DIS3L: variants seen among roughly 807,000 people sequenced by gnomAD.
DIS3L encodes DIS3-like exonuclease 1.
In DIS3L, 100 loss-of-function variants were observed where a neutral mutation model predicts 120.3. The ratio of observed to expected loss-of-function variants is 0.83; its 90% confidence interval spans 0.71 to 0.98. The LOEUF (loss-of-function observed/expected upper bound fraction) is 0.98. DIS3L is among the 50% of genes least tolerant of loss of function. The pLI, the probability that DIS3L is intolerant of heterozygous loss-of-function variation, is 0.00. For synonymous variants in DIS3L, 426 were observed against 470.6 expected (o/e 0.91, Z 1.23); for missense variants, 1,196 against 1,314.2 (o/e 0.91, Z 1.39).
At chr15:66,323,351 G>A in intron 10 of DIS3L, 142 bp from the exon 11 acceptor site, 1 of 755,812 alleles carries the variant, frequency 1.3e-6, no homozygotes, top group Middle Eastern at 3.8e-4. Flanking sequence ...TTATTACCCA[G>A]TCTGCTGCAC....
chr15:66,320,955 A>T (rs2092877004), intron 9 of DIS3L, among the ~76,000 whole-genome samples: 1 of 152,168 alleles, frequency 6.6e-6, no homozygotes, highest in Non-Finnish European at 1.5e-5. Flanking sequence ...TCAAATTTTT[A>T]TATTTTCCAA....
intron 8 of DIS3L, among the ~76,000 whole-genome samples, chr15:66,319,400 A>G (rs1163203469): frequency 1.3e-5 from 2 of 152,234 alleles, no homozygotes; most frequent in African/African-American, 4.8e-5. Flanking sequence ...AACTTTCTAT[A>G]GATACACTTT....
At chr15:66,330,360 T>C (rs937667389) in intron 14 of DIS3L, 1 of 985,274 alleles carries the variant, frequency 1.0e-6, no homozygotes, top group African/African-American at 1.7e-5. Flanking sequence ...CCAACTGTTA[T>C]TGATAGCACA....
intron 2 of DIS3L, among the ~76,000 whole-genome samples, chr15:66,305,396 C>A (rs2092694323): frequency 6.6e-6 from 1 of 152,082 alleles, no homozygotes; most frequent in Non-Finnish European, 1.5e-5. Context: ...GGGAGTTCGG[C>A]CTTTGCTTCA....
Position 66,326,590 on chromosome 15 carries a change from T to C in DIS3L, c.2201+226T>C, listed in dbSNP as rs894694969. On this transcript the variant is annotated intron_variant, in intron 12 of 16. Transcript: ENST00000319212. ...TTTGTTCCTTGGTTTTTTGTTTCAA[T>C]TTTTTTTTAGATAGAGTCTTGCTCT... The C allele has an allele frequency of 2.1e-5, 10 of 472,450 alleles. No individual in the cohort carries two copies. In the Middle Eastern group the frequency reaches 1.9e-3, roughly 89 times the overall value. 29.3% of individuals were successfully genotyped at this position (472,450 alleles called of 1,614,324 possible).
Position 66,325,932 on chromosome 15 carries a change from A to C in DIS3L, c.1769A>C (p.Tyr590Ser). ...TIIRSAYKLF[Y>S]EAAQELLDGN... The stretch of plus-strand genomic sequence containing the variant: ...ATTCGATCAGCATACAAACTGTTCT[A>C]TGAAGCAGCCCAAGAACTACTGGAT... Residue 590 changes from tyrosine to serine, a missense_variant, in exon 12 of 17, where the codon TAT becomes TCT. Physicochemically the swap from Tyr to Ser is moderately radical, Grantham distance 144 (BLOSUM62 -2). Coordinates refer to ENST00000319212, the MANE Select transcript of DIS3L (RefSeq NM_001143688.3). 6.2e-7 allele frequency: 1 copy of C among 1,614,254 alleles called. No individual in the cohort carries two copies. Among genetic ancestry groups the C allele is most frequent in the Non-Finnish European group, 8.5e-7 (1 of 1,180,048 alleles).
At chr15:66,329,649 T>C (rs896136518) in intron 14 of DIS3L, 234 of 1,164,388 alleles carry the variant, frequency 2.0e-4, no homozygotes, top group Non-Finnish European at 2.4e-4. Flanking sequence ...CATAAAGATA[T>C]GATGACAGAG....
intron 7 of DIS3L, among the ~76,000 whole-genome samples, chr15:66,316,888 G>A (rs2092822673): frequency 6.6e-6 from 1 of 152,136 alleles, no homozygotes; most frequent in Non-Finnish European, 1.5e-5. Context: ...TCAATGGCTG[G>A]TTCCTGTTTC....
rs2092708099 is a variant in DIS3L at position 66,306,902 on chromosome 15, C to T, written c.372C>T (p.Cys124=). The change falls in exon 3 of 17, where the codon TGC becomes TGT. Residue 124 remains cysteine, a synonymous_variant. Coordinates refer to ENST00000319212, the MANE Select transcript of DIS3L (RefSeq NM_001143688.3). ...TCTTTGCTAATGAATTCCAGCAATG[C>T]TGCTATCTGCCACGGGAAAGAGGAG... is the stretch of plus-strand genomic sequence containing the variant. ...CILFANEFQQ[C]CYLPRERGES... is the part of the protein sequence containing the mutation. 1.9e-6 allele frequency: 3 copies of T among 1,614,192 alleles called. No homozygotes were observed. Among genetic ancestry groups the T allele is most frequent in the Non-Finnish European group, 2.5e-6 (3 of 1,180,018 alleles).
intron 5 of DIS3L, among the ~76,000 whole-genome samples, chr15:66,313,068 T>C (rs2092778545): frequency 6.6e-6 from 1 of 152,198 alleles, no homozygotes; most frequent in South Asian, 2.1e-4. Context: ...CAATCTCGGC[T>C]CACTGCAACC....
intron 9 of DIS3L, among the ~76,000 whole-genome samples, chr15:66,322,311 A>T (rs1025284167): frequency 6.6e-6 from 1 of 152,212 alleles, no homozygotes; most frequent in Non-Finnish European, 1.5e-5. Context: ...TTCAAGGCTT[A>T]AATTTAAAGC....
intron 6 of DIS3L, among the ~76,000 whole-genome samples, chr15:66,314,663 A>G (rs142371932): frequency 2.0e-5 from 3 of 152,244 alleles, no homozygotes; most frequent in African/African-American, 7.2e-5. Flanking sequence ...TGCCCTATCT[A>G]TAGTTCCTCA....
intron 4 of DIS3L, 59 bp from the exon 5 acceptor site, chr15:66,311,665 A>T: frequency 6.3e-7 from 1 of 1,594,036 alleles, no homozygotes; most frequent in Non-Finnish European, 8.6e-7. Context: ...CTGTCATAGT[A>T]CCATGGTGAA....
chr15:66,328,864 C>T (rs1595763736), intron 12 of DIS3L, 106 bp from the exon 13 acceptor site: 2 of 1,373,924 alleles, frequency 1.5e-6, no homozygotes, highest in East Asian at 2.4e-5. Context: ...AACAAATTTA[C>T]TGGCAGATGA....
chr15:66,329,905 T>G, intron 14 of DIS3L: 1 of 977,870 alleles, frequency 1.0e-6, no homozygotes, highest in South Asian at 4.8e-5. Context: ...AAATTGAGAC[T>G]GTGTCTCAAA....
intron 12 of DIS3L, 55 bp from the exon 13 acceptor site, chr15:66,328,915 T>A: frequency 6.4e-7 from 1 of 1,566,640 alleles, no homozygotes; most frequent in Non-Finnish European, 8.6e-7. Context: ...CCTCAAAGTG[T>A]TGTCTTGTAA....
rs377053490 is a variant in DIS3L, at chr15:66,311,830, G to A, written c.665G>A (p.Gly222Glu). The A allele has an allele frequency of 3.1e-6, 5 of 1,614,132 alleles. No homozygotes were observed. The highest frequency in any genetic ancestry group is 4.2e-6 in the Non-Finnish European group (5 of 1,180,024). ...GAGAATGAGAGTCAGGAGAGCCATG[G>A]GAAGGAGTACCCAGAACATCTTCCC... ...ERENESQESH[G>E]KEYPEHLPLE... The change falls in exon 5 of 17, where the codon GGG (glycine) becomes GAG (glutamate). Residue 222 changes from glycine (G) to glutamate (E), a missense_variant. Transcript: ENST00000319212.
intron 6 of DIS3L, 91 bp downstream of exon 6, chr15:66,314,208 A>T: frequency 9.2e-7 from 1 of 1,090,248 alleles, no homozygotes; most frequent in Non-Finnish European, 1.2e-6. Context: ...GTCATGTCAT[A>T]TGTGCCCTGT....
chr15:66,298,806 G>A (rs2092617260), intron 2 of DIS3L, among the ~76,000 whole-genome samples: 1 of 152,230 alleles, frequency 6.6e-6, no homozygotes, highest in African/African-American at 2.4e-5. Flanking sequence ...TCACATGTGT[G>A]TTGGTTTATT....
Sources: gnomAD v4.1 joint callset for allele counts (sites outside exome capture counted in the v4.1 genomes callset) on GRCh38, gnomAD v4.1.1 for gene constraint, MANE v1.5 for transcripts, NCBI Gene and HGNC (gene_info 2026-07-23, HGNC 2026-07-21) for gene names.